Variants in PRPH observed in about 807,000 individuals in gnomAD.
PRPH encodes peripherin.
In PRPH, 48 loss-of-function variants were observed where a neutral mutation model predicts 52.6. The observed-to-expected ratio is 0.91, with a 90% confidence interval of 0.72 to 1.16. The LOEUF (loss-of-function observed/expected upper bound fraction) is 1.16. PRPH is among the 50% of genes most tolerant of loss of function. The pLI is 0.00. For missense variants in PRPH, 579 were observed against 635.7 expected (o/e 0.91, Z 0.96); for synonymous variants, 279 against 283.8 (o/e 0.98, Z 0.17).
rs1241537712 is a variant in PRPH, at chr12:49,296,243, G to A, written c.606+5G>A. On this transcript the variant is annotated splice_donor_5th_base_variant and intron_variant, in intron 2 of 8. Transcript: ENST00000257860. The surrounding 1 kb of genome is among the most constrained non-coding windows in gnomAD (Gnocchi z 5.1). Reference sequence around the variant, plus strand: ...AACCTCGTGCTCTTCCGCAAGGTGAGTCCGAGCCCCTCTCCGAGTTCAGCC... The same window carrying A: ...AACCTCGTGCTCTTCCGCAAGGTGAATCCGAGCCCCTCTCCGAGTTCAGCC... The A allele has an allele frequency of 6.2e-7, 1 of 1,612,812 alleles. No individual in the cohort carries two copies.
chr12:49,296,943 G>A lies in PRPH; in HGVS notation c.757G>A (p.Val253Met), dbSNP rs1286605440. Residue 253 changes from valine (V) to methionine (M), a missense_variant, in exon 4 of 9, where the codon GTG becomes ATG. Transcript: ENST00000257860. This position sits in a 1 kb window ranked among gnomAD's most constrained non-coding sequence, Gnocchi z 5.1. Reference sequence around the variant, plus strand: ...GAGCCAGCAGGTGCAGCAGGTGGAGGTGGAAGCCACGGTGAAGCCCGAGCT... The same window carrying A: ...GAGCCAGCAGGTGCAGCAGGTGGAGATGGAAGCCACGGTGAAGCCCGAGCT... The part of the protein sequence containing the change: ...VESQQVQQVE[V>M]EATVKPELTA... The A allele has an allele frequency of 6.2e-7, 1 of 1,613,638 alleles. No homozygotes were observed.
chr12:49,298,383 C>T lies in PRPH; in HGVS notation c.*30C>T. 6.2e-7 allele frequency: 1 copy of T among 1,612,680 alleles called. No homozygotes were observed. The highest frequency in any genetic ancestry group is 8.5e-7 in the Non-Finnish European group (1 of 1,178,804). On this transcript the variant is annotated 3_prime_UTR_variant, in exon 9 of 9. Coordinates refer to ENST00000257860, the MANE Select transcript of PRPH (RefSeq NM_006262.4). The stretch of plus-strand genomic sequence containing the variant: ...CTTGGTCCGGAGCCTTGACTCTGCC[C>T]TAGGCCTGCTCAAAGCCCAAACCCT...
chr12:49,296,110 G>T lies in PRPH; in HGVS notation c.546-68G>T. 5.9e-6 allele frequency: 9 copies of T among 1,515,468 alleles called. No individual in the cohort carries two copies. The highest frequency in any genetic ancestry group is 7.2e-6 in the Non-Finnish European group (8 of 1,109,812). The allele number at this position is 1,515,468 out of a possible 1,614,324, so 93.9% of individuals were successfully genotyped here. A position where few individuals can be genotyped will look rare whatever the true frequency, so the allele number is the denominator to read the frequency against. On this transcript the variant is annotated intron_variant, in intron 1 of 8. Transcript: ENST00000257860. This position sits in a 1 kb window ranked among gnomAD's most constrained non-coding sequence, Gnocchi z 5.1. The stretch of plus-strand genomic sequence containing the variant: ...ACAGCCTCTAACCGGATCCTGGGGG[G>T]CGTGCGGTCTGGGGTGCGAGCTGGG...
In PRPH at chr12:49,297,259, G is replaced by T. The variant is rs759622647; in HGVS notation, c.982G>T (p.Gly328Trp). 3.1e-6 allele frequency: 5 copies of T among 1,614,024 alleles called. No individual in the cohort carries two copies. The highest frequency in any genetic ancestry group is 4.2e-6 in the Non-Finnish European group (5 of 1,180,004). Residue 328 changes from glycine (G) to tryptophan (W), a missense_variant, in exon 5 of 9, where the codon GGG (glycine) becomes TGG (tryptophan). Transcript: ENST00000257860. The surrounding 1 kb of genome is among the most constrained non-coding windows in gnomAD (Gnocchi z 4.4). ...QIQSLTCEVD[G>W]LRGTNEALLR... Reference sequence around the variant, plus strand: ...CCAGAGTCTAACGTGCGAGGTGGACGGGCTGCGCGGCACGGTGAGTACGAA... The same window carrying T: ...CCAGAGTCTAACGTGCGAGGTGGACTGGCTGCGCGGCACGGTGAGTACGAA...
At chr12:49,298,171 T>C (rs1943214995) in intron 8 of PRPH, 117 bp from the exon 9 acceptor site, 9 of 1,472,546 alleles carry the variant, frequency 6.1e-6, no homozygotes, top group Middle Eastern at 3.5e-4. Flanking sequence ...AGAACGTGGA[T>C]AGATAACCAG....
chr12:49,295,647 C>T lies in PRPH; in HGVS notation c.447C>T (p.Arg149=), dbSNP rs1206874660. 1 of 1,539,366 alleles carries T rather than the reference C, an allele frequency of 6.5e-7. No individual in the cohort carries two copies. Among genetic ancestry groups the T allele is most frequent in the Admixed American group, 2.0e-5 (1 of 50,610 alleles). The change falls in exon 1 of 9, where the codon CGC becomes CGT. Residue 149 remains arginine (R), a synonymous_variant. Coordinates refer to ENST00000257860, the MANE Select transcript of PRPH (RefSeq NM_006262.4). ...RADQLCQQEL[R]ELRRELELLG... ...ACCAGCTGTGCCAGCAGGAGCTGCG[C>T]GAGCTGCGGCGAGAGCTGGAGCTGT...
chr12:49,298,511 C>CT lies in PRPH; in HGVS notation c.*158_*159insT. On this transcript the variant is annotated 3_prime_UTR_variant, in exon 9 of 9. Transcript: ENST00000257860. ...GGCCAAGCCCTACCCGGCCAGCAGT[C>CT]GCTGGGCCTCTCCCTGCCCTGACAC... 1 of 724,546 alleles carries CT rather than the reference C, an allele frequency of 1.4e-6. No homozygotes were observed. Among genetic ancestry groups the CT allele is most frequent in the Non-Finnish European group, 2.4e-6 (1 of 422,034 alleles). The allele number at this position is 724,546 out of a possible 1,614,324, so 44.9% of individuals were successfully genotyped here.
At position 49,295,536 on chromosome 12, in the gene PRPH, C is replaced by T. The variant is rs754630788; in HGVS notation, c.336C>T (p.Ile112=). 1.3e-6 allele frequency: 2 copies of T among 1,591,744 alleles called. No individual in the cohort carries two copies. Among genetic ancestry groups the T allele is most frequent in the East Asian group, 2.3e-5 (1 of 44,012 alleles). ...QELNDRFANF[I]EKVRFLEQQN... Reference sequence around the variant, plus strand: ...TCAACGACCGCTTCGCCAACTTCATCGAGAAGGTACGCTTTCTGGAGCAGC... The same window carrying T: ...TCAACGACCGCTTCGCCAACTTCATTGAGAAGGTACGCTTTCTGGAGCAGC... Residue 112 remains isoleucine, a synonymous_variant, in exon 1 of 9, where the codon ATC becomes ATT. Coordinates refer to ENST00000257860, the MANE Select transcript of PRPH (RefSeq NM_006262.4).
chr12:49,296,208 C>A lies in PRPH; in HGVS notation c.576C>A (p.Asp192Glu). The A allele has an allele frequency of 6.2e-7, 1 of 1,613,136 alleles. No homozygotes were observed. The highest frequency in any genetic ancestry group is 2.2e-5 in the East Asian group (1 of 44,880). ...RLEEETRKRE[D>E]AEHNLVLFRK... ...AGGAGGAGACGCGCAAGCGGGAGGA[C>A]GCGGAGCACAACCTCGTGCTCTTCC... Residue 192 changes from aspartate to glutamate, a missense_variant, in exon 2 of 9, where the codon GAC becomes GAA. Physicochemically the swap from Asp to Glu is conservative, Grantham distance 45. Transcript: ENST00000257860. The surrounding 1 kb of genome is among the most constrained non-coding windows in gnomAD (Gnocchi z 5.1).
Position 49,295,548 on chromosome 12 carries a change from C to A in PRPH, c.348C>A (p.Arg116=). The change falls in exon 1 of 9, where the codon CGC becomes CGA. Residue 116 remains arginine, a synonymous_variant. Coordinates refer to ENST00000257860, the MANE Select transcript of PRPH (RefSeq NM_006262.4). ...DRFANFIEKV[R]FLEQQNAALR... Reference sequence around the variant, plus strand: ...TCGCCAACTTCATCGAGAAGGTACGCTTTCTGGAGCAGCAGAACGCGGCCC... The same window carrying A: ...TCGCCAACTTCATCGAGAAGGTACGATTTCTGGAGCAGCAGAACGCGGCCC... 1 of 1,583,270 alleles carries A rather than the reference C, an allele frequency of 6.3e-7. No homozygotes were observed. Among genetic ancestry groups the A allele is most frequent in the South Asian group, 1.2e-5 (1 of 86,934 alleles).
At chr12:49,298,144 G>T in intron 8 of PRPH, 107 bp downstream of exon 8, 1 of 1,477,802 alleles carries the variant, frequency 6.8e-7, no homozygotes, top group South Asian at 1.2e-5. Flanking sequence ...CTTGGGGAGA[G>T]ACAGAGAAGG....
chr12:49,297,503 G>T lies in PRPH; in HGVS notation c.1143G>T (p.Glu381Asp). The change falls in exon 6 of 9, where the codon GAG becomes GAT. Residue 381 changes from glutamate to aspartate, a missense_variant. Physicochemically the swap from Glu to Asp is conservative, Grantham distance 45. Transcript: ENST00000257860. The surrounding 1 kb of genome is among the most constrained non-coding windows in gnomAD (Gnocchi z 4.4). ...CGCGGCACCTGAGGGAGTACCAGGAGCTCCTCAACGTCAAGATGGCCCTGG... is the reference window on the plus strand; with the variant it reads ...CGCGGCACCTGAGGGAGTACCAGGATCTCCTCAACGTCAAGATGGCCCTGG... ...EMARHLREYQ[E>D]LLNVKMALDI... is the part of the protein sequence containing the mutation. 1 of 1,612,554 alleles carries T rather than the reference G, an allele frequency of 6.2e-7. No homozygotes were observed. Among genetic ancestry groups the T allele is most frequent in the Non-Finnish European group, 8.5e-7 (1 of 1,179,944 alleles).
Position 49,296,318 on chromosome 12 carries a change from G to A in PRPH, c.606+80G>A. 2 of 1,575,432 alleles carry A rather than the reference G, an allele frequency of 1.3e-6. No individual in the cohort carries two copies. Among genetic ancestry groups the A allele is most frequent in the Non-Finnish European group, 8.7e-7 (1 of 1,150,158 alleles). ...GTATCCAGAGGTGGCATCGGTGGGCGCGGGGAGAAGGGGGTAACCCAGATG... is the reference window on the plus strand; with the variant it reads ...GTATCCAGAGGTGGCATCGGTGGGCACGGGGAGAAGGGGGTAACCCAGATG... On this transcript the variant is annotated intron_variant, in intron 2 of 8. Coordinates refer to ENST00000257860, the MANE Select transcript of PRPH (RefSeq NM_006262.4). This position sits in a 1 kb window ranked among gnomAD's most constrained non-coding sequence, Gnocchi z 5.1.
In PRPH at chr12:49,295,163, C is replaced by G. The variant is rs528817064; in HGVS notation, c.-38C>G. On this transcript the variant is annotated 5_prime_UTR_variant, in exon 1 of 9. Coordinates refer to ENST00000257860, the MANE Select transcript of PRPH (RefSeq NM_006262.4). ...CTGCGGCTCCTTCCCAGCCCCCGGC[C>G]TAGCTCTGCGAACGGTGACTGCCCA... 1 of 1,600,150 alleles carries G rather than the reference C, an allele frequency of 6.2e-7. No individual in the cohort carries two copies. The highest frequency in any genetic ancestry group is 8.5e-7 in the Non-Finnish European group (1 of 1,175,256).
At position 49,296,931 on chromosome 12, in the gene PRPH, C is replaced by T. The variant is rs770551629; in HGVS notation, c.745C>T (p.Gln249Ter). The T allele has an allele frequency of 2.5e-6, 4 of 1,613,264 alleles. No homozygotes were observed. The highest frequency in any genetic ancestry group is 1.7e-5 in the Admixed American group (1 of 59,950). Residue 249 changes from glutamine to a stop codon, truncating the protein, a stop_gained, in exon 4 of 9, where the codon CAG becomes TAG. Coordinates refer to ENST00000257860, the MANE Select transcript of PRPH (RefSeq NM_006262.4). LOFTEE classifies it high-confidence loss of function. The surrounding 1 kb of genome is among the most constrained non-coding windows in gnomAD (Gnocchi z 5.1). ...LQVSVESQQV[Q>*]QVEVEATVKP... ...GGTGAGTGTGGAGAGCCAGCAGGTGCAGCAGGTGGAGGTGGAAGCCACGGT... is the reference window on the plus strand; with the variant it reads ...GGTGAGTGTGGAGAGCCAGCAGGTGTAGCAGGTGGAGGTGGAAGCCACGGT...
chr12:49,296,064 T>G lies in PRPH; in HGVS notation c.546-114T>G. 1 of 1,345,956 alleles carries G rather than the reference T, an allele frequency of 7.4e-7. No individual in the cohort carries two copies. Among genetic ancestry groups the G allele is most frequent in the Non-Finnish European group, 1.0e-6 (1 of 971,492 alleles). 83.4% of individuals were successfully genotyped at this position (1,345,956 alleles called of 1,614,324 possible). On this transcript the variant is annotated intron_variant, in intron 1 of 8. Transcript: ENST00000257860. This position sits in a 1 kb window ranked among gnomAD's most constrained non-coding sequence, Gnocchi z 5.1. The stretch of plus-strand genomic sequence containing the variant: ...TCCATTAGACAGCCTCAGCCCTCCA[T>G]TTAGAGTCCTGGGCAGCAGAACAGC...
chr12:49,296,236 A>T lies in PRPH; in HGVS notation c.604A>T (p.Lys202Ter), dbSNP rs771266311. 1 of 1,613,058 alleles carries T rather than the reference A, an allele frequency of 6.2e-7. No individual in the cohort carries two copies. The highest frequency in any genetic ancestry group is 8.5e-7 in the Non-Finnish European group (1 of 1,179,808). Residue 202 changes from lysine to a stop codon, truncating the protein, a stop_gained and splice_region_variant, in exon 2 of 9, where the codon AAG (lysine) becomes TAG (stop). Coordinates refer to ENST00000257860, the MANE Select transcript of PRPH (RefSeq NM_006262.4). LOFTEE classifies it high-confidence loss of function. This position sits in a 1 kb window ranked among gnomAD's most constrained non-coding sequence, Gnocchi z 5.1. ...DAEHNLVLFRKDVDDATLSRL... is the reference protein window; with the variant it reads ...DAEHNLVLFR ...GGAGCACAACCTCGTGCTCTTCCGC[A>T]AGGTGAGTCCGAGCCCCTCTCCGAG...
chr12:49,296,784 C>T lies in PRPH; in HGVS notation c.703-105C>T. On this transcript the variant is annotated intron_variant, in intron 3 of 8. Coordinates refer to ENST00000257860, the MANE Select transcript of PRPH (RefSeq NM_006262.4). This position sits in a 1 kb window ranked among gnomAD's most constrained non-coding sequence, Gnocchi z 5.1. ...GCTGTACGCCCTGCCCTCCCTGGCG[C>T]CCACTTCTGTTCGTTCAAGCGTTTC... 6.6e-7 allele frequency: 1 copy of T among 1,509,002 alleles called. No homozygotes were observed. The highest frequency in any genetic ancestry group is 8.9e-7 in the Non-Finnish European group (1 of 1,117,736). 93.5% of individuals were successfully genotyped at this position (1,509,002 alleles called of 1,614,324 possible).
chr12:49,295,304 C>G lies in PRPH; in HGVS notation c.104C>G (p.Ser35Trp), dbSNP rs756446756. The change falls in exon 1 of 9, where the codon TCG becomes TGG. Residue 35 changes from serine to tryptophan, a missense_variant. Ser to Trp is a radical substitution (Grantham distance 177). Transcript: ENST00000257860. ...PSLSPGAFSY[S>W]SSSRFSSSRL... is the part of the protein sequence containing the mutation. ...CTATCCCCCGGGGCCTTCTCCTACT[C>G]GTCCAGCTCCCGCTTCTCCAGCAGC... is the stretch of plus-strand genomic sequence containing the variant. 77 of 1,611,542 alleles carry G rather than the reference C, an allele frequency of 4.8e-5. No individual in the cohort carries two copies. Among genetic ancestry groups the G allele is most frequent in the Non-Finnish European group, 5.8e-5 (68 of 1,179,598 alleles).
Sources: gnomAD v4.1 joint callset for allele counts on GRCh38, gnomAD v4.1.1 for gene constraint, Gnocchi (gnomAD v3.1) non-coding constraint, MANE v1.5 for transcripts, NCBI Gene and HGNC (gene_info 2026-07-23, HGNC 2026-07-21) for gene names.